Variants in SUGCT observed in about 807,000 individuals in gnomAD.
SUGCT encodes the protein succinyl-CoA:glutarate CoA-transferase.
In SUGCT, 41 loss-of-function variants were observed where a neutral mutation model predicts 55.0. That is an observed-to-expected ratio of 0.74 (90% CI 0.58 to 0.97). SUGCT has a LOEUF of 0.97. Among genes scored for constraint, SUGCT ranks in the 50% least tolerant of loss-of-function variants. The pLI, the probability that SUGCT is intolerant of heterozygous loss-of-function variation, is 0.00. For missense variants in SUGCT, 568 were observed against 547.8 expected (o/e 1.04, Z -0.37); for synonymous variants, 187 against 200.4 (o/e 0.93, Z 0.56).
In SUGCT at chr7:40,826,329, T is replaced by A. The variant is rs1228098512; in HGVS notation, c.1154-33987T>A. Reference sequence around the variant, plus strand: ...AAATTACACATAAGATTATATTTTATGATTTTTTTTTCCCTGGGAGCATAT... The same window carrying A: ...AAATTACACATAAGATTATATTTTAAGATTTTTTTTTCCCTGGGAGCATAT... On this transcript the variant is annotated intron_variant, in intron 13 of 13. Transcript: ENST00000335693. Among the ~76,000 whole-genome samples, 5 of 151,780 alleles carry A rather than the reference T, an allele frequency of 3.3e-5. No homozygotes were observed. In the Admixed American group the frequency reaches 3.3e-4, roughly 10 times the overall value.
At chr7:40,249,144 T>G (rs1180799745) in intron 7 of SUGCT, among the ~76,000 whole-genome samples, 1 of 150,492 alleles carries the variant, frequency 6.6e-6, no homozygotes, top group Non-Finnish European at 1.5e-5. Flanking sequence ...TTTAAAAAAT[T>G]TGCCAGGTGG....
intron 6 of SUGCT, among the ~76,000 whole-genome samples, chr7:40,203,474 G>A (rs1176200708): frequency 1.3e-5 from 2 of 152,094 alleles, no homozygotes; most frequent in African/African-American, 4.8e-5. Context: ...TCTAACTATG[G>A]AAATAGAATA....
chr7:40,995,235 C>T, the SUGCT span, among the ~76,000 whole-genome samples: 1 of 152,014 alleles, frequency 6.6e-6, no homozygotes, highest in Non-Finnish European at 1.5e-5. Flanking sequence ...TTTCATTTAG[C>T]CAGTGGATTC....
At chr7:40,992,797 C>T in the SUGCT span, among the ~76,000 whole-genome samples, 49 of 152,306 alleles carry the variant, frequency 3.2e-4, no homozygotes, top group African/African-American at 1.2e-3. Flanking sequence ...ACCTCAGTTT[C>T]AGTACCTGTA....
At chr7:40,464,957 A>T (rs1169193322) in intron 11 of SUGCT, among the ~76,000 whole-genome samples, 1 of 152,204 alleles carries the variant, frequency 6.6e-6, no homozygotes, top group African/African-American at 2.4e-5. Flanking sequence ...GTTTGGAGAG[A>T]TGCAGTTGAC....
chr7:40,181,210 TAAAA>T (rs1371275644), intron 2 of SUGCT, among the ~76,000 whole-genome samples: 2 of 152,108 alleles, frequency 1.3e-5, no homozygotes, highest in African/African-American at 4.8e-5. Flanking sequence ...TATATAATCT[TAAAA>T]AACAAAAATT....
At chr7:40,268,872 C>T (rs1008422631) in intron 7 of SUGCT, among the ~76,000 whole-genome samples, 5 of 152,220 alleles carry the variant, frequency 3.3e-5, no homozygotes, top group East Asian at 3.9e-4. Flanking sequence ...CTCCTGACCT[C>T]GTGATCCGCC....
the SUGCT span, among the ~76,000 whole-genome samples, chr7:40,982,638 T>C: frequency 4.9e-3 from 742 of 152,252 alleles, 4 homozygotes; most frequent in African/African-American, 0.017. Flanking sequence ...AAACTTACTA[T>C]AGCAGTATCT....
At chr7:40,674,877 G>A (rs771385202) in intron 12 of SUGCT, among the ~76,000 whole-genome samples, 11 of 151,974 alleles carry the variant, frequency 7.2e-5, no homozygotes, top group African/African-American at 1.2e-4. Flanking sequence ...AAGTTCTGCC[G>A]TCCATGATGC....
intron 12 of SUGCT, among the ~76,000 whole-genome samples, chr7:40,736,725 T>C (rs1004848156): frequency 6.6e-6 from 1 of 151,612 alleles, no homozygotes; most frequent in Admixed American, 6.6e-5. Context: ...AGCTTAGAAA[T>C]GTACAACCAA....
Position 40,248,174 on chromosome 7 carries a change from G to T in SUGCT, c.576+10448G>T, listed in dbSNP as rs143080988. On this transcript the variant is annotated intron_variant, in intron 7 of 13. Transcript: ENST00000335693. ...TTACAGGCATGCGCCACCATGCCTG[G>T]CTAATTTTGTATTTTTAGCAGAGAC... 4.0e-3 allele frequency among the ~76,000 whole-genome samples: 604 copies of T among 152,052 alleles called. 5 individuals carry two copies. Among genetic ancestry groups the T allele is most frequent in the African/African-American group, 0.014 (584 of 41,486 alleles).
intron 7 of SUGCT, among the ~76,000 whole-genome samples, chr7:40,259,722 T>G (rs1359711695): frequency 6.6e-6 from 1 of 152,220 alleles, no homozygotes; most frequent in Non-Finnish European, 1.5e-5. Context: ...CCCACTCATA[T>G]ATCCACATTT....
intron 9 of SUGCT, among the ~76,000 whole-genome samples, chr7:40,377,224 TTCTTTCTTCCCTTCCTTCCTTCC>T (rs2151272822): frequency 8.4e-5 from 2 of 23,884 alleles, no homozygotes; most frequent in East Asian, 0.071. Flanking sequence ...TTTCTTTTCT[TTCTTTCTTCCCTTCCTTCCTTCC>T]TTCTTTCTTT....
chr7:40,389,612 T>C (rs529712135), intron 9 of SUGCT, among the ~76,000 whole-genome samples: 16 of 152,330 alleles, frequency 1.1e-4, no homozygotes, highest in African/African-American at 3.8e-4. Flanking sequence ...CTTTATCTCA[T>C]TGTCAATGAC....
the SUGCT span, among the ~76,000 whole-genome samples, chr7:40,975,720 T>C: frequency 6.6e-6 from 1 of 152,304 alleles, no homozygotes; most frequent in African/African-American, 2.4e-5. Context: ...CTATATTTTC[T>C]TGGCCAGAGT....
At chr7:40,220,643 G>C (rs1457619268) in intron 6 of SUGCT, among the ~76,000 whole-genome samples, 1 of 152,152 alleles carries the variant, frequency 6.6e-6, no homozygotes, top group Admixed American at 6.5e-5. Flanking sequence ...TCATGTAAAA[G>C]TGGGAAATTT....
the SUGCT span, among the ~76,000 whole-genome samples, chr7:41,020,662 C>T: frequency 6.6e-6 from 1 of 152,110 alleles, no homozygotes; most frequent in Non-Finnish European, 1.5e-5. Context: ...GGTGCTCTCC[C>T]ACACCCTGGG....
At chr7:40,168,777 C>T (rs180820012) in intron 1 of SUGCT, among the ~76,000 whole-genome samples, 153 of 152,286 alleles carry the variant, frequency 1.0e-3, no homozygotes, top group African/African-American at 3.5e-3. Flanking sequence ...ACTATTTTCT[C>T]TTGAGATTCC....
At chr7:40,371,111 A>C (rs879906826) in intron 9 of SUGCT, among the ~76,000 whole-genome samples, 2 of 152,138 alleles carry the variant, frequency 1.3e-5, no homozygotes, top group Non-Finnish European at 2.9e-5. Flanking sequence ...TAAGAAAAAA[A>C]TGCCAGAAGG....
Sources: gnomAD v4.1 joint callset for allele counts (sites outside exome capture counted in the v4.1 genomes callset) on GRCh38, gnomAD v4.1.1 for gene constraint, MANE v1.5 for transcripts, NCBI Gene and HGNC (gene_info 2026-07-23, HGNC 2026-07-21) for gene names.